The following SGCZ variants were observed in gnomAD, a reference collection of about 807,000 sequenced individuals.
SGCZ encodes the protein sarcoglycan zeta.
Under a neutral mutation model 41.3 loss-of-function variants are expected in SGCZ, and 40 were observed. That is an observed-to-expected ratio of 0.97 (90% confidence interval 0.75 to 1.26). The LOEUF is 1.26. Among genes scored for constraint, SGCZ ranks in the 50% most tolerant of loss-of-function variants. The pLI is 0.00. For synonymous variants in SGCZ, 206 were observed against 137.5 expected (o/e 1.50, Z -3.49); for missense variants, 552 against 369.8 (o/e 1.49, Z -4.04).
At chr8:14,155,390 A>G (rs1441339489) in intron 5 of SGCZ, among the ~76,000 whole-genome samples, 1 of 152,110 alleles carries the variant, frequency 6.6e-6, no homozygotes, top group South Asian at 2.1e-4. Flanking sequence ...GTTGACTAAG[A>G]CTGTGACAGC....
chr8:14,819,659 TA>T (rs1409431281), intron 1 of SGCZ, among the ~76,000 whole-genome samples: 1 of 152,188 alleles, frequency 6.6e-6, no homozygotes, highest in East Asian at 1.9e-4. Flanking sequence ...TCAAAAACAA[TA>T]GCTCCAAGTA....
At chr8:15,074,384 A>C (rs1722648848) in intron 1 of SGCZ, among the ~76,000 whole-genome samples, 2 of 152,262 alleles carry the variant, frequency 1.3e-5, no homozygotes, top group South Asian at 4.1e-4. Context: ...TTACAGTTAC[A>C]ACTCATTATC....
intron 1 of SGCZ, among the ~76,000 whole-genome samples, chr8:14,797,925 A>G (rs1463174667): frequency 6.6e-6 from 1 of 152,224 alleles, no homozygotes; most frequent in South Asian, 2.1e-4. Context: ...GCAGGTACAC[A>G]GAAGTCAAGA....
chr8:14,557,967 A>G (rs1378491456), intron 1 of SGCZ, among the ~76,000 whole-genome samples: 1 of 152,186 alleles, frequency 6.6e-6, no homozygotes, highest in Non-Finnish European at 1.5e-5. Flanking sequence ...AAGCACAATT[A>G]GAAATGAAAT....
chr8:14,476,091 G>C (rs1425403407), intron 2 of SGCZ, among the ~76,000 whole-genome samples: 2 of 152,038 alleles, frequency 1.3e-5, no homozygotes, highest in African/African-American at 4.8e-5. Flanking sequence ...TGGTGTGCTG[G>C]CCTGATGGTT....
chr8:14,447,915 T>G (rs766785508), intron 2 of SGCZ, among the ~76,000 whole-genome samples: 1 of 152,144 alleles, frequency 6.6e-6, no homozygotes, highest in Non-Finnish European at 1.5e-5. Context: ...TCATATGACT[T>G]ATATGGAAAA....
At chr8:14,751,504 A>C (rs888523357) in intron 1 of SGCZ, among the ~76,000 whole-genome samples, 1 of 152,358 alleles carries the variant, frequency 6.6e-6, no homozygotes. Flanking sequence ...AAAGGATTAT[A>C]ATTTAATGGA....
intron 3 of SGCZ, among the ~76,000 whole-genome samples, chr8:14,305,495 TTTTA>T (rs1304092173): frequency 6.6e-6 from 1 of 152,166 alleles, no homozygotes; most frequent in Non-Finnish European, 1.5e-5. Context: ...AATCTAGAAA[TTTTA>T]TTTGATTTTG....
At chr8:14,881,856 A>C (rs1804602064) in intron 1 of SGCZ, among the ~76,000 whole-genome samples, 1 of 152,194 alleles carries the variant, frequency 6.6e-6, no homozygotes, top group Admixed American at 6.5e-5. Flanking sequence ...CAAATGCAAA[A>C]GAACTGACAT....
At chr8:14,711,343 A>T (rs921291393) in intron 1 of SGCZ, among the ~76,000 whole-genome samples, 1 of 151,210 alleles carries the variant, frequency 6.6e-6, no homozygotes, top group Admixed American at 6.6e-5. Flanking sequence ...TAATCCCTGC[A>T]CTTTGGGAGG....
chr8:14,439,337 A>C (rs1010677018), intron 2 of SGCZ, among the ~76,000 whole-genome samples: 1 of 148,594 alleles, frequency 6.7e-6, no homozygotes, highest in Non-Finnish European at 1.5e-5. Context: ...ATATCTCCTC[A>C]TGGATTTTCT....
intron 6 of SGCZ, among the ~76,000 whole-genome samples, chr8:14,104,447 C>T (rs992834461): frequency 3.3e-5 from 5 of 151,804 alleles, no homozygotes; most frequent in African/African-American, 1.2e-4. Flanking sequence ...AAATCTGTGG[C>T]CTAAATCTCT....
At chr8:14,667,431 G>A (rs1807944498) in intron 1 of SGCZ, among the ~76,000 whole-genome samples, 2 of 152,144 alleles carry the variant, frequency 1.3e-5, no homozygotes, top group Non-Finnish European at 1.5e-5. Flanking sequence ...AGCAATCATC[G>A]AACCCTGGAC....
intron 1 of SGCZ, among the ~76,000 whole-genome samples, chr8:14,589,490 G>C (rs1805172937): frequency 1.3e-5 from 2 of 152,196 alleles, no homozygotes; most frequent in Admixed American, 1.3e-4. Flanking sequence ...TATAGCTTTG[G>C]AATCAGACAT....
chr8:15,144,446 T>C lies in SGCZ; in HGVS notation c.39+93139A>G, dbSNP rs189047945. On this transcript the variant is annotated intron_variant, in intron 1 of 7. Transcript: ENST00000382080. ...GGCTCAGAAGTAGTTCTATACAGTT[T>C]GTTGTCTTAGCAGGTTGACATTCAC... Among the ~76,000 whole-genome samples the C allele has an allele frequency of 1.5e-3, 232 of 152,286 alleles. 2 individuals are homozygous for C. Among genetic ancestry groups the C allele is most frequent in the African/African-American group, 5.1e-3 (214 of 41,574 alleles).
chr8:14,647,636 G>A (rs970808327), intron 1 of SGCZ, among the ~76,000 whole-genome samples: 1 of 151,922 alleles, frequency 6.6e-6, no homozygotes, highest in East Asian at 1.9e-4. Context: ...TTAAAACATA[G>A]AATAAATTAG....
chr8:14,509,305 C>T (rs1249321286), intron 2 of SGCZ, among the ~76,000 whole-genome samples: 1 of 152,144 alleles, frequency 6.6e-6, no homozygotes, highest in African/African-American at 2.4e-5. Flanking sequence ...ATTTGTTCAG[C>T]TAACGCAAAT....
At position 14,099,639 on chromosome 8, in the gene SGCZ, C is replaced by T. The variant is rs545618998; in HGVS notation, c.744+2737G>A. ...ACTAGGGAGGCTGAGGCAGGACAAT[C>T]GCTTGAACCCAGGGGGTGGAGGTTG... is the stretch of plus-strand genomic sequence containing the variant. On this transcript the variant is annotated intron_variant, in intron 7 of 7. Coordinates refer to ENST00000382080, the MANE Select transcript of SGCZ (RefSeq NM_139167.4). Among the ~76,000 whole-genome samples, 8 of 152,222 alleles carry T rather than the reference C, an allele frequency of 5.3e-5. No homozygotes were observed. In the East Asian group the frequency reaches 7.7e-4, roughly 15 times the overall value.
intron 1 of SGCZ, among the ~76,000 whole-genome samples, chr8:14,820,650 G>C (rs1037506524): frequency 6.6e-6 from 1 of 151,952 alleles, no homozygotes; most frequent in Admixed American, 6.6e-5. Flanking sequence ...ATCTTTTCTA[G>C]CCACCATGGT....
Sources: gnomAD v4.1 joint callset for allele counts (sites outside exome capture counted in the v4.1 genomes callset) on GRCh38, gnomAD v4.1.1 for gene constraint, MANE v1.5 for transcripts, NCBI Gene and HGNC (gene_info 2026-07-23, HGNC 2026-07-21) for gene names.